Variants in ZNF454 observed in about 807,000 individuals in gnomAD.
ZNF454 encodes the protein zinc finger protein 454.
Under a neutral mutation model 48.2 loss-of-function variants are expected in ZNF454, and 30 were observed. The ratio of observed to expected loss-of-function variants is 0.62; its 90% CI spans 0.47 to 0.84. The LOEUF is 0.84. Among genes scored for constraint, ZNF454 ranks in the 40% least tolerant of loss-of-function variants. The pLI, the probability that ZNF454 is intolerant of heterozygous loss-of-function variation, is 0.00. For missense variants in ZNF454, 510 were observed against 623.1 expected, an observed-to-expected ratio of 0.82 and a Z score of 1.93; for synonymous variants, 204 against 211.4, an observed-to-expected ratio of 0.97 and a Z score of 0.30.
At chr5:178,986,236 T>C in the ZNF454 span, 19 of 1,613,900 alleles carry the variant, frequency 1.2e-5, no homozygotes, top group Non-Finnish European at 1.2e-5. Context: ...GTAGATACGG[T>C]TGGTCTTGGT....
At chr5:178,985,317 G>A in the ZNF454 span, 91 of 453,162 alleles carry the variant, frequency 2.0e-4, no homozygotes, top group Non-Finnish European at 2.9e-4. Flanking sequence ...TGACTGCCCC[G>A]TTTTCCTTCA....
Position 178,946,478 on chromosome 5 carries a change from C to A in ZNF454, c.153C>A (p.Val51=). 6.3e-7 allele frequency: 1 copy of A among 1,598,536 alleles called. No individual in the cohort carries two copies. Among genetic ancestry groups the A allele is most frequent in the Non-Finnish European group, 8.5e-7 (1 of 1,175,738 alleles). ...DVMLENYSNL[V]SLGLLGPKPD... is the part of the protein sequence containing the mutation. ...TGCTGGAGAACTACAGCAACCTGGT[C>A]TCACTGGGTAAGTGGGACCCCTGCA... Residue 51 remains valine (V), a synonymous_variant, in exon 3 of 5, where the codon GTC becomes GTA. Coordinates refer to ENST00000519564, the MANE Select transcript of ZNF454 (RefSeq NM_001178089.3). This position sits in a 1 kb window ranked among gnomAD's most constrained non-coding sequence, Gnocchi z 4.5.
At position 178,966,201 on chromosome 5, in the gene ZNF454, G is replaced by A. The variant is rs1020518667; in HGVS notation, c.*228G>A. On this transcript the variant is annotated 3_prime_UTR_variant, in exon 5 of 5. Transcript: ENST00000519564. ...ATCTTTGGGAGCACTTTGGGAGGCCGAGGTGGGCGGATCACGAGGTCAGGA... is the reference window on the plus strand; with the variant it reads ...ATCTTTGGGAGCACTTTGGGAGGCCAAGGTGGGCGGATCACGAGGTCAGGA... 8 of 394,236 alleles carry A rather than the reference G, an allele frequency of 2.0e-5. No homozygotes were observed. The highest frequency in any genetic ancestry group is 1.2e-4 in the Admixed American group (3 of 24,714). The allele number at this position is 394,236 out of a possible 1,614,324, so 24.4% of individuals were successfully genotyped here.
intron 2 of ZNF454, among the ~76,000 whole-genome samples, chr5:178,945,115 G>A (rs903256355): frequency 1.4e-4 from 20 of 147,684 alleles, no homozygotes; most frequent in African/African-American, 3.2e-4. Flanking sequence ...GTGTGTGCGC[G>A]CTTGCATGTG....
chr5:178,951,337 C>T (rs1213099436), intron 4 of ZNF454, among the ~76,000 whole-genome samples: 1 of 152,204 alleles, frequency 6.6e-6, no homozygotes, highest in Non-Finnish European at 1.5e-5. Context: ...CCGTGCCTCA[C>T]CATCCAGCTT....
the ZNF454 span, among the ~76,000 whole-genome samples, chr5:178,988,373 T>G: frequency 6.6e-6 from 1 of 152,078 alleles, no homozygotes; most frequent in Non-Finnish European, 1.5e-5. The surrounding 1 kb of genome is among the most constrained non-coding windows in gnomAD (Gnocchi z 6.0). Context: ...GAGCGGAGTT[T>G]TGAATTGTGT....
At chr5:178,989,213 CCTCA>C in the ZNF454 span, 3 of 1,191,868 alleles carry the variant, frequency 2.5e-6, no homozygotes, top group South Asian at 1.3e-5. Flanking sequence ...CCCTCCCCAC[CCTCA>C]CCACCCTCCC....
At chr5:178,985,637 A>C in the ZNF454 span, 1 of 373,452 alleles carries the variant, frequency 2.7e-6, no homozygotes, top group Non-Finnish European at 5.2e-6. Context: ...CGGAAGGCAG[A>C]GCTTGCAGGG....
At chr5:178,967,766 G>T (rs1322417028), downstream of ZNF454, among the ~76,000 whole-genome samples, 1 of 132,560 alleles carries the variant, frequency 7.5e-6, no homozygotes, top group Admixed American at 8.6e-5. Context: ...TTGAGACAGA[G>T]TCTTGCACTG....
the ZNF454 span, among the ~76,000 whole-genome samples, chr5:178,982,604 A>G: frequency 1.1e-4 from 15 of 131,114 alleles, no homozygotes; most frequent in African/African-American, 4.0e-4. Flanking sequence ...AAAAAAAAAA[A>G]GCATATGAAG....
chr5:178,979,407 G>A, the ZNF454 span: 5 of 152,216 alleles, frequency 3.3e-5, no homozygotes, highest in African/African-American at 1.2e-4. Context: ...TTCAGTAACA[G>A]AGGATGTCCC....
At chr5:178,968,105 T>TCACACACACACACACACACACA (rs3031585), downstream of ZNF454, among the ~76,000 whole-genome samples, 8 of 145,086 alleles carry the variant, frequency 5.5e-5, 1 homozygote, top group East Asian at 6.2e-4. Flanking sequence ...CATCTGTGCA[T>TCACACACACACACACACACACA]CACACACACA....
At chr5:178,942,017 C>T (rs746612234) in intron 1 of ZNF454, among the ~76,000 whole-genome samples, 2 of 152,226 alleles carry the variant, frequency 1.3e-5, no homozygotes, top group Non-Finnish European at 2.9e-5. Context: ...CCAATCCAGT[C>T]GAACCCAGAC....
chr5:178,977,645 C>A, the ZNF454 span, among the ~76,000 whole-genome samples: 1 of 151,790 alleles, frequency 6.6e-6, no homozygotes, highest in South Asian at 2.1e-4. Context: ...TCTCAACTCA[C>A]AGAAACCTCC....
the ZNF454 span, chr5:178,986,283 C>G: frequency 1.1e-5 from 18 of 1,613,978 alleles, no homozygotes; most frequent in African/African-American, 2.7e-5. Flanking sequence ...TGCCCAGGCC[C>G]AGGAAGAGCC....
chr5:178,956,673 TAA>T (rs1491574346), intron 4 of ZNF454, among the ~76,000 whole-genome samples: 12 of 14,046 alleles, frequency 8.5e-4, no homozygotes, highest in Non-Finnish European at 1.2e-3. Flanking sequence ...TTATTTTATT[TAA>T]TTTATTTATT....
the ZNF454 span, chr5:178,977,468 T>C: frequency 2.2e-6 from 1 of 455,926 alleles, no homozygotes; most frequent in South Asian, 1.6e-5. Context: ...GTCTGTTTTT[T>C]AGAAGCCACT....
the ZNF454 span, chr5:178,985,674 G>A: frequency 4.7e-5 from 19 of 400,770 alleles, no homozygotes; most frequent in East Asian, 2.2e-4. Flanking sequence ...CTGCACTCCA[G>A]CCTGGGCGAC....
At chr5:178,973,842 CAAA>C in the ZNF454 span, among the ~76,000 whole-genome samples, 9 of 101,908 alleles carry the variant, frequency 8.8e-5, no homozygotes, top group Admixed American at 1.0e-4. Flanking sequence ...GACTTCATCT[CAAA>C]AAAAAAAAAA....
Sources: gnomAD v4.1 joint callset for allele counts (sites outside exome capture counted in the v4.1 genomes callset) on GRCh38, gnomAD v4.1.1 for gene constraint, Gnocchi (gnomAD v3.1) non-coding constraint, MANE v1.5 for transcripts, NCBI Gene and HGNC (gene_info 2026-07-23, HGNC 2026-07-21) for gene names.